Variants in TAS2R1 observed in about 807,000 individuals in gnomAD.
The protein encoded by TAS2R1 is taste receptor type 2 member 1.
For synonymous variants in TAS2R1, 141 were observed against 134.2 expected (o/e 1.05, Z -0.35); for missense variants, 370 against 353.4 (o/e 1.05, Z -0.38).
chr5:9,766,023 C>CA, the TAS2R1 span, among the ~76,000 whole-genome samples: 3 of 152,236 alleles, frequency 2.0e-5, no homozygotes, highest in African/African-American at 7.2e-5. Context: ...GAGTTATTCA[C>CA]AGCCAGGATG....
chr5:9,630,937 A>G (rs1170684119), upstream of TAS2R1, among the ~76,000 whole-genome samples: 2 of 152,206 alleles, frequency 1.3e-5, no homozygotes, highest in African/African-American at 2.4e-5. Flanking sequence ...GCTGCCTGTA[A>G]TGCTGAAGTG....
chr5:9,802,401 C>A, the TAS2R1 span, among the ~76,000 whole-genome samples: 1 of 152,140 alleles, frequency 6.6e-6, no homozygotes, highest in Non-Finnish European at 1.5e-5. Flanking sequence ...AAAGGAGCAC[C>A]CCGTGGAACA....
chr5:9,773,460 A>G, the TAS2R1 span, among the ~76,000 whole-genome samples: 1 of 152,162 alleles, frequency 6.6e-6, no homozygotes, highest in Non-Finnish European at 1.5e-5. Flanking sequence ...TACACACCAC[A>G]ATTACACTGT....
chr5:9,745,323 G>C, the TAS2R1 span, among the ~76,000 whole-genome samples: 14 of 152,266 alleles, frequency 9.2e-5, no homozygotes, highest in African/African-American at 2.9e-4. Flanking sequence ...GGTTGAGTAT[G>C]AAATTTATTA....
chr5:9,638,456 G>C (rs372501684), intron 2 of TAS2R1, among the ~76,000 whole-genome samples: 14 of 152,346 alleles, frequency 9.2e-5, no homozygotes, highest in African/African-American at 2.9e-4. Flanking sequence ...CCTCTGCTTA[G>C]CCAGGATATT....
the TAS2R1 span, among the ~76,000 whole-genome samples, chr5:9,796,144 G>A: frequency 3.3e-5 from 5 of 152,326 alleles, no homozygotes; most frequent in East Asian, 3.9e-4. Context: ...ACTGATCAAG[G>A]CATTAAAGGT....
At chr5:9,825,679 T>C in the TAS2R1 span, among the ~76,000 whole-genome samples, 3 of 152,246 alleles carry the variant, frequency 2.0e-5, no homozygotes, top group Admixed American at 2.0e-4. Flanking sequence ...ATAAAGTCAA[T>C]GAGATTTTTC....
intron 1 of TAS2R1, among the ~76,000 whole-genome samples, chr5:9,700,733 T>C (rs1741462243): frequency 6.6e-6 from 1 of 152,066 alleles, no homozygotes; most frequent in African/African-American, 2.4e-5. Flanking sequence ...CTGTTTTCTC[T>C]GTGGACTCTC....
the TAS2R1 span, among the ~76,000 whole-genome samples, chr5:9,859,192 T>C: frequency 6.6e-6 from 1 of 152,206 alleles, no homozygotes; most frequent in Non-Finnish European, 1.5e-5. Context: ...CCACTCCCTT[T>C]GGCCCCCAAA....
At chr5:9,776,552 A>G in the TAS2R1 span, among the ~76,000 whole-genome samples, 2 of 152,070 alleles carry the variant, frequency 1.3e-5, no homozygotes, top group Non-Finnish European at 2.9e-5. Flanking sequence ...CTCCTCTCCT[A>G]ATCACCTCTT....
At chr5:9,745,370 T>G in the TAS2R1 span, among the ~76,000 whole-genome samples, 1 of 152,224 alleles carries the variant, frequency 6.6e-6, no homozygotes, top group Admixed American at 6.5e-5. Context: ...AGGGAGAGAT[T>G]TTTTTAAGAA....
the TAS2R1 span, among the ~76,000 whole-genome samples, chr5:9,761,584 T>C: frequency 2.0e-5 from 3 of 152,246 alleles, no homozygotes; most frequent in East Asian, 1.9e-4. Context: ...TTCTTACTTA[T>C]GTGTTCCATT....
Position 9,647,922 on chromosome 5 carries a change from G to A in TAS2R1, c.-81+11499C>T, listed in dbSNP as rs115648665. ...TGAATAATGTTAACAAGCAATTCAT[G>A]GTGGGGCTTTTAGTCAACTTTATTT... On this transcript the variant is annotated intron_variant, in intron 2 of 2. Coordinates refer to the TAS2R1 transcript ENST00000506620. 8.8e-3 allele frequency among the ~76,000 whole-genome samples: 1,341 copies of A among 152,248 alleles called. 27 individuals are homozygous for A. Among genetic ancestry groups the A allele is most frequent in the African/African-American group, 0.031 (1,278 of 41,542 alleles).
At chr5:9,638,658 T>C (rs1367861352) in intron 2 of TAS2R1, among the ~76,000 whole-genome samples, 1 of 151,878 alleles carries the variant, frequency 6.6e-6, no homozygotes, top group Non-Finnish European at 1.5e-5. Flanking sequence ...TGGTTTCTCA[T>C]GTGATGTGTG....
chr5:9,722,598 G>A, the TAS2R1 span, among the ~76,000 whole-genome samples: 2 of 152,184 alleles, frequency 1.3e-5, no homozygotes, highest in East Asian at 3.9e-4. Context: ...GTCTCAACTT[G>A]CAAAGCAAAA....
the TAS2R1 span, among the ~76,000 whole-genome samples, chr5:9,778,766 T>C: frequency 6.6e-6 from 1 of 152,218 alleles, no homozygotes; most frequent in African/African-American, 2.4e-5. Flanking sequence ...AGGGCCTTGC[T>C]CTGGATTAGG....
the TAS2R1 span, among the ~76,000 whole-genome samples, chr5:9,807,002 T>C: frequency 5.9e-5 from 9 of 152,054 alleles, no homozygotes; most frequent in Non-Finnish European, 1.0e-4. Context: ...TCTATACATC[T>C]GACAAAGGAC....
the TAS2R1 span, among the ~76,000 whole-genome samples, chr5:9,837,592 T>C: frequency 0.06 from 9,053 of 150,956 alleles, 642 homozygotes; most frequent in East Asian, 0.23. Context: ...CACCTTCCTG[T>C]GGGCCTGGCT....
the TAS2R1 span, among the ~76,000 whole-genome samples, chr5:9,879,070 G>A: frequency 6.6e-6 from 1 of 152,252 alleles, no homozygotes; most frequent in Non-Finnish European, 1.5e-5. Flanking sequence ...TCCACAGCAG[G>A]GCTGGGACTA....
Sources: allele counts gnomAD v4.1 joint callset (sites outside exome capture counted in the v4.1 genomes callset), GRCh38; gene constraint gnomAD v4.1.1; transcripts MANE v1.5; gene names NCBI Gene and HGNC (gene_info 2026-07-23, HGNC 2026-07-21).